IGSF21: variants seen among roughly 807,000 people sequenced by gnomAD.
IGSF21 encodes the protein immunoglobulin superfamily member 21.
In IGSF21, 28 loss-of-function variants were observed where a neutral mutation model predicts 46.8. That is an observed-to-expected ratio of 0.60 (90% CI 0.44 to 0.82). The LOEUF (loss-of-function observed/expected upper bound fraction) is 0.82. Ranked by LOEUF, IGSF21 falls within the 40% of genes least tolerant of loss-of-function variation. IGSF21 has a pLI of 0.00. For synonymous variants in IGSF21, 284 were observed against 273.6 expected, an observed-to-expected ratio of 1.04 and a Z score of -0.38; for missense variants, 624 against 665.5, an observed-to-expected ratio of 0.94 and a Z score of 0.69.
At chr1:18,189,015 T>C (rs2086930359) in intron 1 of IGSF21, among the ~76,000 whole-genome samples, 1 of 152,134 alleles carries the variant, frequency 6.6e-6, no homozygotes, top group South Asian at 2.1e-4. Context: ...GCCCCTGGGC[T>C]CACCCTGGGT....
intron 4 of IGSF21, among the ~76,000 whole-genome samples, chr1:18,347,670 G>T (rs1230311467): frequency 6.6e-6 from 1 of 152,186 alleles, no homozygotes; most frequent in African/African-American, 2.4e-5. Flanking sequence ...GGGAAGCGAG[G>T]CCTTTGAAAC....
chr1:18,132,907 G>GC (rs1342705184), intron 1 of IGSF21, among the ~76,000 whole-genome samples: 9 of 151,838 alleles, frequency 5.9e-5, no homozygotes, highest in Non-Finnish European at 1.0e-4. Flanking sequence ...CTCTGAGCAG[G>GC]TGGAGGGAGT....
intron 1 of IGSF21, among the ~76,000 whole-genome samples, chr1:18,186,715 T>G (rs1254374204): frequency 1.3e-5 from 2 of 152,234 alleles, no homozygotes; most frequent in African/African-American, 4.8e-5. Context: ...AAGAAGGACC[T>G]GTTTTTACCT....
chr1:18,334,796 A>T lies in IGSF21; in HGVS notation c.306-96A>T. On this transcript the variant is annotated intron_variant, in intron 3 of 9. Transcript: ENST00000251296. This position sits in a 1 kb window ranked among gnomAD's most constrained non-coding sequence, Gnocchi z 4.3. ...CACACAGGCCTGTGTTTGTTAGTGG[A>T]GGCTGCACCAGTGGGCATCAGGATG... The T allele has an allele frequency of 1.2e-6, 1 of 845,632 alleles. No homozygotes were observed. Among genetic ancestry groups the T allele is most frequent in the Non-Finnish European group, 2.0e-6 (1 of 496,864 alleles). 52.4% of individuals were successfully genotyped at this position (845,632 alleles called of 1,614,324 possible). A position where few individuals can be genotyped will look rare whatever the true frequency, so the allele number is the denominator to read the frequency against.
chr1:18,359,387 G>GAAAGAAAGAAAGAA (rs1557659651), intron 4 of IGSF21, among the ~76,000 whole-genome samples: 2 of 33,894 alleles, frequency 5.9e-5, no homozygotes, highest in Non-Finnish European at 1.2e-4. Flanking sequence ...AGAAAGAAAG[G>GAAAGAAAGAAAGAA]AAGGAAGGAA....
chr1:18,197,003 G>A (rs758527337), intron 1 of IGSF21, among the ~76,000 whole-genome samples: 5 of 152,092 alleles, frequency 3.3e-5, no homozygotes, highest in Admixed American at 6.5e-5. Context: ...TTTTCTAATC[G>A]GCCCGGCTGC....
intron 2 of IGSF21, among the ~76,000 whole-genome samples, chr1:18,273,061 T>C (rs2085058609): frequency 6.8e-6 from 1 of 148,008 alleles, no homozygotes; most frequent in Admixed American, 6.7e-5. Context: ...TTTTTTTTTT[T>C]TTTAGATGGA....
intron 1 of IGSF21, among the ~76,000 whole-genome samples, chr1:18,131,632 T>A (rs544386565): frequency 6.6e-6 from 1 of 152,358 alleles, no homozygotes; most frequent in East Asian, 1.9e-4. Flanking sequence ...GATAGAAGTT[T>A]ATTTTTAGCT....
At chr1:18,373,631 C>T (rs1349201724) in intron 6 of IGSF21, among the ~76,000 whole-genome samples, 1 of 152,182 alleles carries the variant, frequency 6.6e-6, no homozygotes, top group East Asian at 1.9e-4. Flanking sequence ...CAGATGCACA[C>T]AGGAGCCCAG....
intron 4 of IGSF21, among the ~76,000 whole-genome samples, chr1:18,349,964 G>T (rs1367305265): frequency 6.6e-6 from 1 of 152,136 alleles, no homozygotes; most frequent in East Asian, 1.9e-4. Context: ...AGGGATAAGT[G>T]GCTTGCCAAG....
At position 18,109,050 on chromosome 1, in the gene IGSF21, G is replaced by A. The variant is rs2086117738; in HGVS notation, c.70+852G>A. On this transcript the variant is annotated intron_variant, in intron 1 of 9. Coordinates refer to ENST00000251296, the MANE Select transcript of IGSF21 (RefSeq NM_032880.5). The surrounding 1 kb of genome is among the most constrained non-coding windows in gnomAD (Gnocchi z 4.8). ...TGGACTTGCTCCCGGGTTAGGCTAAGACAGCTAGAAGGAGGTTGAAGCCGA... is the reference window on the plus strand; with the variant it reads ...TGGACTTGCTCCCGGGTTAGGCTAAAACAGCTAGAAGGAGGTTGAAGCCGA... 6.7e-6 allele frequency among the ~76,000 whole-genome samples: 1 copy of A among 149,800 alleles called. No individual in the cohort carries two copies. Among genetic ancestry groups the A allele is most frequent in the Non-Finnish European group, 1.5e-5 (1 of 67,558 alleles).
intron 1 of IGSF21, among the ~76,000 whole-genome samples, chr1:18,155,179 T>A (rs957027412): frequency 2.6e-5 from 4 of 152,042 alleles, no homozygotes; most frequent in Non-Finnish European, 5.9e-5. Context: ...GTCACTTGCC[T>A]TTGTCATTTG....
chr1:18,359,508 G>GAAGGAAGGAAGGAAGA (rs1429382390), intron 4 of IGSF21, among the ~76,000 whole-genome samples: 57 of 64,134 alleles, frequency 8.9e-4, no homozygotes, highest in African/African-American at 4.1e-3. Context: ...AGGAAGGAAG[G>GAAGGAAGGAAGGAAGA]AAGGAAAAGC....
At chr1:18,315,816 G>A (rs2085537107) in intron 3 of IGSF21, among the ~76,000 whole-genome samples, 1 of 54,710 alleles carries the variant, frequency 1.8e-5, no homozygotes, top group African/African-American at 6.9e-5. Context: ...GTGGTGGATA[G>A]GTGTGGATGG....
chr1:18,375,768 C>T (rs1283427721), intron 6 of IGSF21, among the ~76,000 whole-genome samples: 1 of 152,152 alleles, frequency 6.6e-6, no homozygotes, highest in Non-Finnish European at 1.5e-5. Flanking sequence ...TGACCTTTGG[C>T]AAATCACTTC....
At chr1:18,201,840 G>A (rs2087078527) in intron 1 of IGSF21, among the ~76,000 whole-genome samples, 1 of 152,160 alleles carries the variant, frequency 6.6e-6, no homozygotes, top group African/African-American at 2.4e-5. Context: ...GGTTCCACAG[G>A]CCCAAGCATC....
intron 2 of IGSF21, among the ~76,000 whole-genome samples, chr1:18,285,257 C>T (rs998669161): frequency 4.0e-5 from 6 of 150,896 alleles, no homozygotes; most frequent in African/African-American, 1.5e-4. Context: ...AAGTTGGAGA[C>T]TTATTTGTTT....
At chr1:18,262,292 G>A (rs958409166) in intron 2 of IGSF21, among the ~76,000 whole-genome samples, 2 of 152,176 alleles carry the variant, frequency 1.3e-5, no homozygotes, top group African/African-American at 4.8e-5. Context: ...GGAGGTTCTG[G>A]CGACCGGATA....
chr1:18,163,721 A>G (rs2086650684), intron 1 of IGSF21, among the ~76,000 whole-genome samples: 1 of 152,110 alleles, frequency 6.6e-6, no homozygotes, highest in African/African-American at 2.4e-5. Flanking sequence ...AGGCCCCCCA[A>G]GCTCCTGCCC....
Sources: gnomAD v4.1 joint callset for allele counts (sites outside exome capture counted in the v4.1 genomes callset) on GRCh38, gnomAD v4.1.1 for gene constraint, Gnocchi (gnomAD v3.1) non-coding constraint, MANE v1.5 for transcripts, NCBI Gene and HGNC (gene_info 2026-07-23, HGNC 2026-07-21) for gene names.